TXNDC15: variants seen among roughly 807,000 people sequenced by gnomAD.
The protein encoded by TXNDC15 is thioredoxin domain containing 15.
Under a neutral mutation model 35.0 loss-of-function variants are expected in TXNDC15, and 24 were observed. That is an observed-to-expected ratio of 0.68 (90% CI 0.50 to 0.96). The LOEUF (loss-of-function observed/expected upper bound fraction) is 0.96. Ranked by LOEUF, TXNDC15 falls within the 40% of genes least tolerant of loss-of-function variation. The pLI is 0.00. For missense variants in TXNDC15, 385 were observed against 453.3 expected (o/e 0.85, Z 1.37); for synonymous variants, 169 against 174.0 (o/e 0.97, Z 0.23).
intron 1 of TXNDC15, among the ~76,000 whole-genome samples, chr5:134,881,387 C>T (rs1302916869): frequency 1.0e-5 from 1 of 99,318 alleles, no homozygotes; most frequent in Non-Finnish European, 2.0e-5. Flanking sequence ...GTGGTGATGA[C>T]TCTTAACGAG....
intron 1 of TXNDC15, among the ~76,000 whole-genome samples, chr5:134,883,770 C>G (rs1411302400): frequency 6.7e-6 from 1 of 150,236 alleles, no homozygotes; most frequent in Non-Finnish European, 1.5e-5. Context: ...CAAAAATTAG[C>G]TGGGTGTGGT....
intron 1 of TXNDC15, chr5:134,875,433 C>T (rs749262984): frequency 2.2e-6 from 1 of 456,070 alleles, no homozygotes; most frequent in South Asian, 1.5e-5. Context: ...AATGAAAGCG[C>T]TCACTGTGTA....
intron 1 of TXNDC15, among the ~76,000 whole-genome samples, chr5:134,887,124 C>A (rs1750290981): frequency 6.6e-6 from 1 of 152,174 alleles, no homozygotes; most frequent in Admixed American, 6.5e-5. Context: ...TGGCAAGCAG[C>A]AAGTTTAGGG....
At chr5:134,899,261 T>A (rs1302274385) in intron 4 of TXNDC15, among the ~76,000 whole-genome samples, 1 of 152,170 alleles carries the variant, frequency 6.6e-6, no homozygotes, top group Non-Finnish European at 1.5e-5. Flanking sequence ...AGTGTTTTAG[T>A]TGTGAACAGC....
At chr5:134,895,973 C>T (rs1180502116) in intron 3 of TXNDC15, 1 of 200,452 alleles carries the variant, frequency 5.0e-6, no homozygotes, top group East Asian at 1.6e-4. Context: ...TAAGTTGACA[C>T]AGTGTGCTTT....
chr5:134,887,825 C>T lies in TXNDC15; in HGVS notation c.234C>T (p.Ala78=). Residue 78 remains alanine (A), a synonymous_variant, in exon 2 of 5, where the codon GCC becomes GCT. Coordinates refer to ENST00000358387, the MANE Select transcript of TXNDC15 (RefSeq NM_024715.4). ...PMGQDRAAEE[A]NAVLGLDTQG... ...GCCAGGACAGGGCAGCAGAAGAGGC[C>T]AATGCGGTGCTGGGGCTGGACACCC... is the stretch of plus-strand genomic sequence containing the variant. 6.2e-7 allele frequency: 1 copy of T among 1,614,122 alleles called. No homozygotes were observed. Among genetic ancestry groups the T allele is most frequent in the Non-Finnish European group, 8.5e-7 (1 of 1,180,020 alleles).
Position 134,899,565 on chromosome 5 carries a change from T to G in TXNDC15, c.963T>G (p.Ser321Arg). The change falls in exon 5 of 5, where the codon AGT (serine) becomes AGG (arginine). Residue 321 changes from serine to arginine, a missense_variant. By Grantham distance (110) the Ser-to-Arg change is moderately radical. Transcript: ENST00000358387. ...IGPLPSTLIKSVDWLLVFSLF... is the reference protein window; with the variant it reads ...IGPLPSTLIKRVDWLLVFSLF... ...CTCTTCCCAGCACTTTGATAAAAAG[T>G]GTGGACTGGTTGCTTGTATTTTCCT... The G allele has an allele frequency of 1.2e-6, 2 of 1,614,012 alleles. No homozygotes were observed. The highest frequency in any genetic ancestry group is 1.7e-6 in the Non-Finnish European group (2 of 1,180,000).
rs757256777 is a variant in TXNDC15 at position 134,899,470 on chromosome 5, C to T, written c.887-19C>T. On this transcript the variant is annotated intron_variant, in intron 4 of 4. Transcript: ENST00000358387. ...GGTGCTTTTTCTGCCTGATTTGAAA[C>T]CAGTGATTTTTCTTTCAGGTATAGA... 2.5e-6 allele frequency: 4 copies of T among 1,601,502 alleles called. No homozygotes were observed. In the East Asian group the frequency reaches 8.9e-5, roughly 36 times the overall value.
At position 134,888,114 on chromosome 5, in the gene TXNDC15, G is replaced by A. The variant is rs79262456; in HGVS notation, c.523G>A (p.Val175Met). The A allele has an allele frequency of 3.8e-5, 61 of 1,614,150 alleles. No homozygotes were observed. Among genetic ancestry groups the A allele is most frequent in the South Asian group, 1.1e-4 (10 of 91,080 alleles). ...NNTESLKSPKVNCEERNITGL... is the reference protein window; with the variant it reads ...NNTESLKSPKMNCEERNITGL... ...CACTGAAAGTCTGAAATCCCCAAAGGTGAACTGTGAGGAGAGAAACATTAC... is the reference window on the plus strand; with the variant it reads ...CACTGAAAGTCTGAAATCCCCAAAGATGAACTGTGAGGAGAGAAACATTAC... Residue 175 changes from valine to methionine, a missense_variant, in exon 2 of 5, where the codon GTG (valine) becomes ATG (methionine). Coordinates refer to ENST00000358387, the MANE Select transcript of TXNDC15 (RefSeq NM_024715.4).
At position 134,896,227 on chromosome 5, in the gene TXNDC15, TG is replaced by T. The variant is rs561413675; in HGVS notation, c.756-65del. 25 of 1,535,196 alleles carry T rather than the reference TG, an allele frequency of 1.6e-5. No individual in the cohort carries two copies. In the African/African-American group the frequency reaches 3.2e-4, roughly 20 times the overall value. ...TCATTTATTTCTGTCTATTCTGAGA[TG>T]GTAATTGTATGAGAAAGCCCTCTAT... is the stretch of plus-strand genomic sequence containing the variant. On this transcript the variant is annotated intron_variant, in intron 3 of 4. Coordinates refer to ENST00000358387, the MANE Select transcript of TXNDC15 (RefSeq NM_024715.4).
At chr5:134,895,375 G>A (rs999824085) in intron 3 of TXNDC15, among the ~76,000 whole-genome samples, 10 of 152,266 alleles carry the variant, frequency 6.6e-5, no homozygotes, top group African/African-American at 2.4e-4. Flanking sequence ...GTCCAGCTTT[G>A]GTGGGGCCTC....
chr5:134,879,616 C>T (rs900309705), intron 1 of TXNDC15, among the ~76,000 whole-genome samples: 3 of 152,048 alleles, frequency 2.0e-5, no homozygotes, highest in Non-Finnish European at 4.4e-5. Context: ...ATAGAAATAC[C>T]GCCAATGTGA....
At chr5:134,875,593 C>T (rs1410199949) in intron 1 of TXNDC15, among the ~76,000 whole-genome samples, 1 of 151,234 alleles carries the variant, frequency 6.6e-6, no homozygotes, top group Non-Finnish European at 1.5e-5. Context: ...AACTCCTGGG[C>T]TTAAGTGATC....
At chr5:134,875,435 C>T (rs1449337301) in intron 1 of TXNDC15, 3 of 455,742 alleles carry the variant, frequency 6.6e-6, no homozygotes, top group Non-Finnish European at 1.3e-5. Context: ...TGAAAGCGCT[C>T]ACTGTGTACC....
intron 1 of TXNDC15, among the ~76,000 whole-genome samples, chr5:134,885,067 T>C (rs1253610620): frequency 2.0e-5 from 3 of 151,968 alleles, no homozygotes; most frequent in Non-Finnish European, 4.4e-5. Flanking sequence ...AAATTACAGG[T>C]GCCCGCCACC....
chr5:134,877,940 ATTTTTGGTATT>A (rs1029527311), intron 1 of TXNDC15, among the ~76,000 whole-genome samples: 5 of 152,000 alleles, frequency 3.3e-5, no homozygotes, highest in African/African-American at 9.7e-5. Context: ...ACCCCGGCTA[ATTTTTGGTATT>A]TTTAGTAGAG....
intron 1 of TXNDC15, among the ~76,000 whole-genome samples, chr5:134,886,507 G>A (rs779332424): frequency 1.1e-4 from 17 of 152,250 alleles, no homozygotes; most frequent in African/African-American, 4.1e-4. Flanking sequence ...ATAGATGTAC[G>A]AGACTACCTG....
chr5:134,874,411 G>T lies in TXNDC15; in HGVS notation c.-17G>T. The T allele has an allele frequency of 1.3e-6, 2 of 1,585,460 alleles. No individual in the cohort carries two copies. The highest frequency in any genetic ancestry group is 1.7e-6 in the Non-Finnish European group (2 of 1,170,930). On this transcript the variant is annotated 5_prime_UTR_variant, in exon 1 of 5. Transcript: ENST00000358387. The stretch of plus-strand genomic sequence containing the variant: ...CGACTCGCGTAGCCGTGCGCCGATT[G>T]CCTCTCGGCCTGGGCAATGGTCCCG...
At chr5:134,896,445 G>A (rs754277101) in intron 4 of TXNDC15, 21 bp downstream of exon 4, 2 of 1,611,906 alleles carry the variant, frequency 1.2e-6, no homozygotes, top group South Asian at 2.2e-5. Flanking sequence ...GTAATGTGCT[G>A]AGGAAGAAGA....
Sources: allele counts gnomAD v4.1 joint callset (sites outside exome capture counted in the v4.1 genomes callset), GRCh38; gene constraint gnomAD v4.1.1; transcripts MANE v1.5; gene names NCBI Gene and HGNC (gene_info 2026-07-23, HGNC 2026-07-21).